Variants in FRMD3 observed in about 807,000 individuals in gnomAD.
FRMD3 encodes FERM domain-containing protein 3.
A neutral mutation model predicts 70.2 loss-of-function variants in FRMD3; 33 were observed. That is an observed-to-expected ratio of 0.47 (90% confidence interval 0.36 to 0.63). The LOEUF is 0.63. Among genes scored for constraint, FRMD3 ranks in the 20% least tolerant of loss-of-function variants. The probability of loss-of-function intolerance (pLI) is 0.00; values close to 1 mark genes in which losing one functional copy is unlikely to be tolerated. For synonymous variants in FRMD3, 279 were observed against 255.9 expected (o/e 1.09, Z -0.86); for missense variants, 632 against 711.4 (o/e 0.89, Z 1.27).
At chr9:83,306,543 A>AG (rs1177421453) in intron 10 of FRMD3, among the ~76,000 whole-genome samples, 1 of 151,888 alleles carries the variant, frequency 6.6e-6, no homozygotes, top group Non-Finnish European at 1.5e-5. Context: ...TCTACCTCCT[A>AG]GCTCCCCTGG....
At chr9:83,421,578 T>C (rs1826645186) in intron 1 of FRMD3, among the ~76,000 whole-genome samples, 1 of 152,180 alleles carries the variant, frequency 6.6e-6, no homozygotes, top group South Asian at 2.1e-4. Context: ...CAATGAGCCA[T>C]ACTTCAAGTA....
chr9:83,467,926 TG>T (rs1159760836), intron 1 of FRMD3, among the ~76,000 whole-genome samples: 1 of 152,182 alleles, frequency 6.6e-6, no homozygotes, highest in East Asian at 1.9e-4. Flanking sequence ...CAAGCTTTTC[TG>T]TTTCTCTATC....
chr9:83,378,798 T>TATATATACTATATATAAATTTTATATAA (rs1825261158), intron 2 of FRMD3, among the ~76,000 whole-genome samples: 6 of 104,710 alleles, frequency 5.7e-5, no homozygotes, highest in Admixed American at 1.1e-4. Context: ...ATGTATAATT[T>TATATATACTATATATAAATTTTATATAA]ATATATATAC....
chr9:83,522,821 C>T (rs1166120508), intron 1 of FRMD3, among the ~76,000 whole-genome samples: 1 of 152,042 alleles, frequency 6.6e-6, no homozygotes, highest in Non-Finnish European at 1.5e-5. Context: ...CCTCGGCCTC[C>T]CAAAGCGCTG....
chr9:83,348,140 C>T (rs1449893807), intron 4 of FRMD3, among the ~76,000 whole-genome samples: 1 of 152,036 alleles, frequency 6.6e-6, no homozygotes, highest in African/African-American at 2.4e-5. Context: ...ATAAAGAGAA[C>T]AAATGACAAA....
chr9:83,396,882 G>A (rs1035640941), intron 1 of FRMD3, among the ~76,000 whole-genome samples: 1 of 152,210 alleles, frequency 6.6e-6, no homozygotes, highest in African/African-American at 2.4e-5. Context: ...GTAAATCAAT[G>A]CCTCAGGCCA....
chr9:83,246,902 T>G lies in FRMD3; in HGVS notation c.*1016A>C. The G allele has an allele frequency of 1.7e-5, 17 of 985,408 alleles. No homozygotes were observed. Among genetic ancestry groups the G allele is most frequent in the Non-Finnish European group, 2.0e-5 (17 of 829,938 alleles). The allele number at this position is 985,408 out of a possible 1,614,324, so 61.0% of individuals were successfully genotyped here. ...AAATAGACCATTCGCCTGTCACCAT[T>G]TGCCTGCCAGCCTCACCAGAACTCA... On this transcript the variant is annotated 3_prime_UTR_variant, in exon 14 of 14. Coordinates refer to ENST00000304195, the MANE Select transcript of FRMD3 (RefSeq NM_174938.6).
At chr9:83,354,795 A>G (rs1038892780) in intron 3 of FRMD3, among the ~76,000 whole-genome samples, 9 of 152,188 alleles carry the variant, frequency 5.9e-5, no homozygotes, top group Non-Finnish European at 1.0e-4. Flanking sequence ...AGAAGATGTA[A>G]CAGATGAGAG....
At chr9:83,457,415 C>A (rs1055592438) in intron 1 of FRMD3, among the ~76,000 whole-genome samples, 1 of 152,300 alleles carries the variant, frequency 6.6e-6, no homozygotes, top group Admixed American at 6.5e-5. Flanking sequence ...CACACACCCT[C>A]ATTGACCCCA....
chr9:83,295,927 A>G (rs1291468449), intron 12 of FRMD3, among the ~76,000 whole-genome samples: 3 of 152,238 alleles, frequency 2.0e-5, no homozygotes, highest in Admixed American at 6.5e-5. Context: ...TTTGAAGAAG[A>G]AAAATTCCAA....
intron 1 of FRMD3, among the ~76,000 whole-genome samples, chr9:83,398,073 T>C (rs890257978): frequency 1.5e-4 from 23 of 152,190 alleles, no homozygotes; most frequent in African/African-American, 4.1e-4. Context: ...ATAAGAAAGA[T>C]TGTAGCTTGA....
intron 2 of FRMD3, among the ~76,000 whole-genome samples, chr9:83,378,743 TTA>T (rs1403060784): frequency 8.3e-6 from 1 of 120,030 alleles, no homozygotes; most frequent in Non-Finnish European, 1.6e-5. Context: ...ATACTTTATA[TTA>T]TATATAATAT....
chr9:83,564,181 T>G, the FRMD3 span, among the ~76,000 whole-genome samples: 1 of 152,182 alleles, frequency 6.6e-6, no homozygotes, highest in African/African-American at 2.4e-5. Context: ...TGGGAAAAGT[T>G]TGTTGACTGA....
At chr9:83,371,480 C>A (rs1355265579) in intron 3 of FRMD3, among the ~76,000 whole-genome samples, 1 of 152,144 alleles carries the variant, frequency 6.6e-6, no homozygotes. Context: ...CCACACCCAG[C>A]TAATTTTTGT....
chr9:83,538,843 G>A (rs187909545), upstream of FRMD3, among the ~76,000 whole-genome samples: 37 of 152,304 alleles, frequency 2.4e-4, no homozygotes, highest in African/African-American at 8.7e-4. The surrounding 1 kb of genome is among the most constrained non-coding windows in gnomAD (Gnocchi z 4.7). Context: ...GACCCACACC[G>A]CCAGGGGGAT....
intron 13 of FRMD3, among the ~76,000 whole-genome samples, chr9:83,254,625 T>C (rs112198313): frequency 0.058 from 8,823 of 151,006 alleles, 830 homozygotes; most frequent in African/African-American, 0.2. Flanking sequence ...ATAAACTAGA[T>C]AGACTAGCTA....
At chr9:83,508,625 A>C (rs1564109766) in intron 1 of FRMD3, among the ~76,000 whole-genome samples, 1 of 151,940 alleles carries the variant, frequency 6.6e-6, no homozygotes, top group African/African-American at 2.4e-5. Context: ...GGGCCTTTGC[A>C]CTGGCTGTCT....
intron 1 of FRMD3, among the ~76,000 whole-genome samples, chr9:83,496,970 C>T (rs576771917): frequency 2.3e-4 from 35 of 152,038 alleles, no homozygotes; most frequent in East Asian, 9.7e-4. Context: ...AAAAATTAGC[C>T]GGGTGTGGTG....
At chr9:83,574,432 A>T in the FRMD3 span, among the ~76,000 whole-genome samples, 1 of 152,200 alleles carries the variant, frequency 6.6e-6, no homozygotes, top group Non-Finnish European at 1.5e-5. Flanking sequence ...GGTGTATTTC[A>T]TGGGTCACTG....
Sources: gnomAD v4.1 joint callset for allele counts (sites outside exome capture counted in the v4.1 genomes callset) on GRCh38, gnomAD v4.1.1 for gene constraint, Gnocchi (gnomAD v3.1) non-coding constraint, MANE v1.5 for transcripts, NCBI Gene and HGNC (gene_info 2026-07-23, HGNC 2026-07-21) for gene names.